Variants in PTPRD observed in about 807,000 individuals in gnomAD.
PTPRD encodes protein tyrosine phosphatase receptor type D.
PTPRD carries 34 observed loss-of-function variants against 214.5 expected under a neutral mutation model. The ratio of observed to expected loss-of-function variants is 0.16; its 90% CI spans 0.12 to 0.21. The LOEUF is 0.21. Ranked by LOEUF, PTPRD falls within the 10% of genes least tolerant of loss-of-function variation. The pLI is 1.00. For missense variants in PTPRD, 2,545 were observed against 2,398.7 expected, an observed-to-expected ratio of 1.06 and a Z score of -1.27; for synonymous variants, 1,128 against 845.7, an observed-to-expected ratio of 1.33 and a Z score of -5.79.
chr9:9,405,769 C>T (rs1482963687), intron 8 of PTPRD, among the ~76,000 whole-genome samples: 1 of 151,880 alleles, frequency 6.6e-6, no homozygotes, highest in Non-Finnish European at 1.5e-5. Flanking sequence ...TGTATTTTCC[C>T]CCATTATCAT....
At chr9:8,360,124 T>C (rs185493997) in intron 39 of PTPRD, among the ~76,000 whole-genome samples, 1 of 152,344 alleles carries the variant, frequency 6.6e-6, no homozygotes, top group East Asian at 1.9e-4. Flanking sequence ...ACAAAATAAA[T>C]GAGTTGTTTC....
At chr9:8,810,503 A>G (rs1441962169) in intron 11 of PTPRD, among the ~76,000 whole-genome samples, 1 of 152,128 alleles carries the variant, frequency 6.6e-6, no homozygotes, top group African/African-American at 2.4e-5. Context: ...AAAAGTTCAG[A>G]TCACCTCATT....
intron 9 of PTPRD, among the ~76,000 whole-genome samples, chr9:9,321,834 G>A (rs1311601838): frequency 1.3e-5 from 2 of 152,094 alleles, no homozygotes; most frequent in African/African-American, 4.8e-5. Context: ...ATGTAAGGTG[G>A]TTAGCACACA....
chr9:8,788,293 G>GTA (rs1405175626), intron 11 of PTPRD, among the ~76,000 whole-genome samples: 1 of 127,554 alleles, frequency 7.8e-6, no homozygotes, highest in Non-Finnish European at 1.6e-5. Context: ...GTGTGTGTGT[G>GTA]AGATGGAGTT....
At chr9:8,356,019 T>C (rs2076907962) in intron 39 of PTPRD, among the ~76,000 whole-genome samples, 3 of 152,178 alleles carry the variant, frequency 2.0e-5, no homozygotes, top group South Asian at 2.1e-4. Flanking sequence ...AAATCTCTCA[T>C]TCATAAGGAT....
intron 2 of PTPRD, among the ~76,000 whole-genome samples, chr9:10,406,007 T>G (rs2098350333): frequency 6.6e-6 from 1 of 151,488 alleles, no homozygotes; most frequent in East Asian, 2.0e-4. Context: ...AAAATGTTCT[T>G]GTAAACTATC....
intron 5 of PTPRD, among the ~76,000 whole-genome samples, chr9:9,889,366 A>C (rs2072335425): frequency 6.6e-6 from 1 of 152,012 alleles, no homozygotes; most frequent in Non-Finnish European, 1.5e-5. Context: ...ACATCATGGC[A>C]TACATAATAT....
chr9:9,074,799 T>C (rs1370319545), intron 10 of PTPRD, among the ~76,000 whole-genome samples: 1 of 151,848 alleles, frequency 6.6e-6, no homozygotes, highest in African/African-American at 2.4e-5. Context: ...AAATATTTTC[T>C]ACCATATATA....
intron 9 of PTPRD, among the ~76,000 whole-genome samples, chr9:9,295,107 C>T (rs1036860608): frequency 1.3e-5 from 2 of 151,622 alleles, no homozygotes; most frequent in Non-Finnish European, 2.9e-5. Flanking sequence ...AGCTTGGTGG[C>T]TCACAATGAA....
intron 11 of PTPRD, among the ~76,000 whole-genome samples, chr9:8,920,885 C>G (rs569258486): frequency 6.6e-6 from 1 of 152,142 alleles, no homozygotes; most frequent in African/African-American, 2.4e-5. Flanking sequence ...GCAATCTCGG[C>G]TCACCACAAC....
intron 11 of PTPRD, among the ~76,000 whole-genome samples, chr9:8,859,805 G>GC (rs1555444939): frequency 1.9e-5 from 1 of 53,530 alleles, no homozygotes; most frequent in Non-Finnish European, 6.0e-5. Flanking sequence ...CCAGCAATTT[G>GC]GGGGTGGGGG....
At chr9:10,548,522 G>T (rs552174587) in intron 2 of PTPRD, among the ~76,000 whole-genome samples, 30 of 152,250 alleles carry the variant, frequency 2.0e-4, no homozygotes, top group African/African-American at 6.7e-4. Context: ...GTGAAAGCCT[G>T]GAAAAGTGAA....
intron 3 of PTPRD, among the ~76,000 whole-genome samples, chr9:10,067,242 T>C (rs1484671093): frequency 2.6e-5 from 4 of 151,926 alleles, no homozygotes; most frequent in Non-Finnish European, 5.9e-5. Flanking sequence ...TATCTCCTGT[T>C]ACTTCAGTTC....
At chr9:8,852,605 T>C (rs2097842223) in intron 11 of PTPRD, among the ~76,000 whole-genome samples, 1 of 152,212 alleles carries the variant, frequency 6.6e-6, no homozygotes. Flanking sequence ...TCAATACTAC[T>C]TGCCTGCTGG....
chr9:8,491,936 G>C (rs1013923192), intron 27 of PTPRD, among the ~76,000 whole-genome samples: 1 of 152,146 alleles, frequency 6.6e-6, no homozygotes, highest in Non-Finnish European at 1.5e-5. Flanking sequence ...GTTCACGGGA[G>C]ATTGCCATAT....
At chr9:9,198,237 T>A (rs1314935682) in intron 9 of PTPRD, among the ~76,000 whole-genome samples, 1 of 152,164 alleles carries the variant, frequency 6.6e-6, no homozygotes, top group African/African-American at 2.4e-5. Flanking sequence ...ACTGGGAGAT[T>A]TTTAGGCTAT....
chr9:10,195,309 G>A lies in PTPRD; in HGVS notation c.-545+145654C>T, dbSNP rs142201644. ...GGTAATGATTGAGCCTACATATTTA[G>A]AGACTGCAGTTAGTTTTTCTCAAAA... On this transcript the variant is annotated intron_variant, in intron 3 of 45. Transcript: ENST00000381196. Among the ~76,000 whole-genome samples, 192 of 152,146 alleles carry A rather than the reference G, an allele frequency of 1.3e-3. 6 individuals are homozygous for A. In the South Asian group the frequency reaches 0.037, roughly 29 times the overall value.
At chr9:9,895,185 G>T (rs1450603741) in intron 5 of PTPRD, among the ~76,000 whole-genome samples, 1 of 151,990 alleles carries the variant, frequency 6.6e-6, no homozygotes, top group African/African-American at 2.4e-5. Context: ...CTCAAAAGAT[G>T]CATTTGGGTT....
intron 5 of PTPRD, among the ~76,000 whole-genome samples, chr9:9,930,480 CAAATGT>C (rs1490494695): frequency 6.6e-6 from 1 of 152,064 alleles, no homozygotes; most frequent in Non-Finnish European, 1.5e-5. Flanking sequence ...TTTGAGTTTT[CAAATGT>C]AAACAAATGT....
Sources: gnomAD v4.1 joint callset for allele counts (sites outside exome capture counted in the v4.1 genomes callset) on GRCh38, gnomAD v4.1.1 for gene constraint, MANE v1.5 for transcripts, NCBI Gene and HGNC (gene_info 2026-07-23, HGNC 2026-07-21) for gene names.